The following KRT7 variants were observed in gnomAD, a reference collection of about 807,000 sequenced individuals.
KRT7 encodes the protein keratin 7, also known as keratin, type II cytoskeletal 7.
KRT7 carries 50 observed loss-of-function variants against 42.8 expected under a neutral mutation model. The ratio of observed to expected loss-of-function variants is 1.17; its 90% CI spans 0.93 to 1.48. The LOEUF (loss-of-function observed/expected upper bound fraction) is 1.48, where lower values mean the gene tolerates loss of function less well. Among genes scored for constraint, KRT7 ranks in the 40% most tolerant of loss-of-function variants. KRT7 has a pLI of 0.00. For missense variants in KRT7, 588 were observed against 637.6 expected (o/e 0.92, Z 0.84); for synonymous variants, 268 against 266.3 (o/e 1.01, Z -0.06).
downstream of KRT7, chr12:52,253,683 C>G: frequency 1.3e-5 from 19 of 1,455,598 alleles, no homozygotes; most frequent in Non-Finnish European, 1.8e-5. Flanking sequence ...AGTGATGACA[C>G]AGTGCATGTT....
At chr12:52,239,003 A>G (rs1942046909) in intron 4 of KRT7, among the ~76,000 whole-genome samples, 1 of 152,262 alleles carries the variant, frequency 6.6e-6, no homozygotes, top group South Asian at 2.1e-4. Context: ...TGCCCAGCAC[A>G]GCCACAACAA....
In KRT7 at chr12:52,245,451, C is replaced by T. The variant is rs1046362; in HGVS notation, c.1024C>T (p.Arg342Cys). ...LEAAIAEAEE[R>C]GELALKDARA... ...GGCCGCCATTGCCGAGGCTGAGGAGCGTGGGGAGCTGGCGCTCAAGGATGC... is the reference window on the plus strand; with the variant it reads ...GGCCGCCATTGCCGAGGCTGAGGAGTGTGGGGAGCTGGCGCTCAAGGATGC... Residue 342 changes from arginine to cysteine, a missense_variant, in exon 7 of 9, where the codon CGT becomes TGT. Transcript: ENST00000331817. The T allele has an allele frequency of 1.0e-3, 1,625 of 1,613,962 alleles. 4 individuals carry two copies. The highest frequency in any genetic ancestry group is 1.2e-3 in the Non-Finnish European group (1,447 of 1,179,976).
Position 52,235,224 on chromosome 12 carries a change from G to A in KRT7, c.394G>A (p.Ala132Thr). ...GACGCTGCTGCAGGAGCAGAAGTCG[G>A]CCAAGAGCAGCCGCCTCCCAGACAT... ...KWTLLQEQKS[A>T]KSSRLPDIFE... Residue 132 changes from alanine to threonine, a missense_variant, in exon 2 of 9, where the codon GCC becomes ACC. Physicochemically the swap from Ala to Thr is moderately conservative, Grantham distance 58. Transcript: ENST00000331817. The A allele has an allele frequency of 6.2e-7, 1 of 1,614,164 alleles. No homozygotes were observed. The highest frequency in any genetic ancestry group is 1.7e-5 in the Admixed American group (1 of 60,034).
chr12:52,241,531 C>A lies in KRT7; in HGVS notation c.753C>A (p.Asn251Lys), dbSNP rs757608339. 1.1e-5 allele frequency: 18 copies of A among 1,613,938 alleles called. 1 individual carries two copies. In the South Asian group the frequency reaches 1.8e-4, roughly 16 times the overall value. Reference sequence around the variant, plus strand: ...CATCTGTGGTGCTGTCCATGGACAACAGTCGCTCCCTGGACCTGGACGGCA... The same window carrying A: ...CATCTGTGGTGCTGTCCATGGACAAAAGTCGCTCCCTGGACCTGGACGGCA... ...SDTSVVLSMD[N>K]SRSLDLDGII... is the part of the protein sequence containing the mutation. Residue 251 changes from asparagine (N) to lysine (K), a missense_variant, in exon 5 of 9, where the codon AAC becomes AAA. Asn to Lys is a moderately conservative substitution (Grantham distance 94). Transcript: ENST00000331817.
downstream of KRT7, among the ~76,000 whole-genome samples, chr12:52,250,156 C>T (rs1565724522): frequency 1.3e-5 from 2 of 152,222 alleles, no homozygotes; most frequent in Non-Finnish European, 2.9e-5. Context: ...CCAAGGGGCT[C>T]CAGGCCCATC....
chr12:52,254,840 C>G (rs7138517), downstream of KRT7, among the ~76,000 whole-genome samples: 26,059 of 152,148 alleles, frequency 0.17, 2,349 homozygotes, highest in Non-Finnish European at 0.21. Context: ...CACAATAACC[C>G]CTGCTTTCCT....
Position 52,235,359 on chromosome 12 carries a change from A to G in KRT7, c.529A>G (p.Lys177Glu). The change falls in exon 2 of 9, where the codon AAG becomes GAG. Residue 177 changes from lysine (K) to glutamate (E), a missense_variant. By Grantham distance (56) the Lys-to-Glu change is moderately conservative. Coordinates refer to ENST00000331817, the MANE Select transcript of KRT7 (RefSeq NM_005556.4). ...CATGCAGGATGTGGTGGAGGACTTC[A>G]AGAATAAGTAATGCCCCCTGTGCCA... Reference protein sequence around the residue: ...RSMQDVVEDFKNKYEDEINHR... With the variant: ...RSMQDVVEDFENKYEDEINHR... 1 of 1,609,122 alleles carries G rather than the reference A, an allele frequency of 6.2e-7. No individual in the cohort carries two copies. The highest frequency in any genetic ancestry group is 1.1e-5 in the South Asian group (1 of 90,742).
At chr12:52,253,166 T>C (rs766961228), downstream of KRT7, 9 of 1,557,026 alleles carry the variant, frequency 5.8e-6, no homozygotes, top group African/African-American at 1.4e-5. Flanking sequence ...TCCTGAGGGC[T>C]AACCCCACTC....
chr12:52,237,328 C>T (rs1157389538), intron 2 of KRT7, among the ~76,000 whole-genome samples, 181 bp from the exon 3 acceptor site: 1 of 152,120 alleles, frequency 6.6e-6, no homozygotes, highest in African/African-American at 2.4e-5. Flanking sequence ...ACTCAAAGCC[C>T]TAGGAATGGC....
chr12:52,243,395 C>G (rs1358055732), intron 6 of KRT7: 3 of 456,276 alleles, frequency 6.6e-6, no homozygotes, highest in Non-Finnish European at 1.2e-5. Context: ...AAAGCCACCA[C>G]TGGTTCCACA....
At position 52,235,310 on chromosome 12, in the gene KRT7, C is replaced by A. The variant is rs777104599; in HGVS notation, c.480C>A (p.Gly160=). 6.2e-7 allele frequency: 1 copy of A among 1,613,942 alleles called. No individual in the cohort carries two copies. Among genetic ancestry groups the A allele is most frequent in the Non-Finnish European group, 8.5e-7 (1 of 1,179,964 alleles). ...GQLEALQVDG[G]RLEAELRSMQ... ...TTGAGGCACTGCAGGTGGATGGGGG[C>A]CGCCTGGAGGCGGAGCTGCGGAGCA... Residue 160 remains glycine (G), a synonymous_variant, in exon 2 of 9, where the codon GGC becomes GGA. Transcript: ENST00000331817.
Position 52,245,543 on chromosome 12 carries a change from G to C in KRT7, c.1116G>C (p.Leu372=). The stretch of plus-strand genomic sequence containing the variant: ...GCAAGCAGGATATGGCACGGCAGCT[G>C]CGTGAGTACCAGGAACTCATGAGCG... ...QRGKQDMARQ[L]REYQELMSVK... Residue 372 remains leucine (L), a synonymous_variant, in exon 7 of 9, where the codon CTG becomes CTC. Coordinates refer to ENST00000331817, the MANE Select transcript of KRT7 (RefSeq NM_005556.4). The C allele has an allele frequency of 6.2e-7, 1 of 1,614,174 alleles. No homozygotes were observed. The highest frequency in any genetic ancestry group is 8.5e-7 in the Non-Finnish European group (1 of 1,180,032).
chr12:52,240,742 A>G (rs1592391760), intron 4 of KRT7, among the ~76,000 whole-genome samples: 1 of 152,208 alleles, frequency 6.6e-6, no homozygotes. Context: ...ATAGAAATAT[A>G]CATTTTCAAT....
chr12:52,236,374 C>G (rs1171479683), intron 2 of KRT7, among the ~76,000 whole-genome samples: 1 of 152,018 alleles, frequency 6.6e-6, no homozygotes, highest in African/African-American at 2.4e-5. Context: ...CCATACTCCC[C>G]CCACCCCAAA....
At position 52,236,198 on chromosome 12, in the gene KRT7, C is replaced by G. The variant is rs1264187506; in HGVS notation, c.536+832C>G. 4.0e-4 allele frequency among the ~76,000 whole-genome samples: 3 copies of G among 7,480 alleles called. No individual in the cohort carries two copies. The East Asian group carries it at 0.02, about 51-fold the overall frequency. 4.9% of individuals were successfully genotyped at this position (7,480 alleles called of 152,430 possible). ...GAGCAAACAAGGTCTCTGTGGAGTG[C>G]CCCCCCCCAACACTCCCACTTCCCT... On this transcript the variant is annotated intron_variant, in intron 2 of 8. Transcript: ENST00000331817.
chr12:52,248,499 C>A, intron 8 of KRT7, 92 bp from the exon 9 acceptor site: 5 of 1,301,628 alleles, frequency 3.8e-6, no homozygotes, highest in Non-Finnish European at 4.3e-6. Flanking sequence ...GGGAGAGGGG[C>A]AGCTGGGGCA....
chr12:52,237,504 T>C lies in KRT7; in HGVS notation c.537-5T>C. On this transcript the variant is annotated splice_polypyrimidine_tract_variant and splice_region_variant and intron_variant, in intron 2 of 8. Coordinates refer to ENST00000331817, the MANE Select transcript of KRT7 (RefSeq NM_005556.4). ...GCATCAACACCAGGCCCTCCTCTAC[T>C]GTAGGTACGAAGATGAAATTAACCA... 6.2e-7 allele frequency: 1 copy of C among 1,609,108 alleles called. No homozygotes were observed. The highest frequency in any genetic ancestry group is 8.5e-7 in the Non-Finnish European group (1 of 1,176,542).
chr12:52,250,495 C>G, downstream of KRT7: 2 of 693,948 alleles, frequency 2.9e-6, no homozygotes, highest in Non-Finnish European at 5.1e-6. Flanking sequence ...CGGCCGCTGC[C>G]GCTGCTCTGG....
chr12:52,251,893 C>T (rs977344803), downstream of KRT7: 41 of 429,804 alleles, frequency 9.5e-5, no homozygotes, highest in East Asian at 2.5e-4. Flanking sequence ...TACATGACAA[C>T]GGAGTGGAGC....
Sources: allele counts gnomAD v4.1 joint callset (sites outside exome capture counted in the v4.1 genomes callset), GRCh38; gene constraint gnomAD v4.1.1; transcripts MANE v1.5; gene names NCBI Gene and HGNC (gene_info 2026-07-23, HGNC 2026-07-21).